DLG5: variants seen among roughly 807,000 people sequenced by gnomAD.
DLG5 encodes discs large MAGUK scaffold protein 5, also known as disks large homolog 5.
A neutral mutation model predicts 189.8 loss-of-function variants in DLG5; 48 were observed. That is an observed-to-expected ratio of 0.25 (90% CI 0.20 to 0.32). DLG5 has a LOEUF of 0.32. Ranked by LOEUF, DLG5 falls within the 10% of genes least tolerant of loss-of-function variation. The pLI is 1.00. For synonymous variants in DLG5, 1,016 were observed against 1,054.1 expected (o/e 0.96, Z 0.70); for missense variants, 2,160 against 2,544.7 (o/e 0.85, Z 3.25).
chr10:77,846,875 C>G (rs1367149725), intron 5 of DLG5, among the ~76,000 whole-genome samples: 2 of 152,110 alleles, frequency 1.3e-5, no homozygotes, highest in Admixed American at 6.5e-5. Flanking sequence ...AGCGGCTTCC[C>G]GCCTTCCCAG....
At chr10:77,842,322 C>A in intron 6 of DLG5, 129 bp from the exon 7 acceptor site, 1 of 1,138,026 alleles carries the variant, frequency 8.8e-7, no homozygotes, top group South Asian at 1.6e-5. Context: ...TGAAGTCACT[C>A]TCTCCACCCC....
chr10:77,841,464 C>T (rs1843411418), intron 7 of DLG5, among the ~76,000 whole-genome samples: 1 of 152,142 alleles, frequency 6.6e-6, no homozygotes, highest in African/African-American at 2.4e-5. Flanking sequence ...GAAAAAGGGC[C>T]CCTGAGGGTG....
chr10:77,821,027 G>C lies in DLG5; in HGVS notation c.3402+55C>G, dbSNP rs3758463. 9.5e-5 allele frequency: 146 copies of C among 1,539,408 alleles called. 1 individual carries two copies. The East Asian group carries it at 3.3e-3, about 35-fold the overall frequency. ...CAGGGCCACTTAGCAGCCCTCCTTC[G>C]GCCAACTGCCCCTCTCTAGGCCTCC... On this transcript the variant is annotated intron_variant, in intron 15 of 31. Coordinates refer to ENST00000372391, the MANE Select transcript of DLG5 (RefSeq NM_004747.4).
At chr10:77,907,502 C>A (rs575803901) in intron 1 of DLG5, among the ~76,000 whole-genome samples, 1 of 152,298 alleles carries the variant, frequency 6.6e-6, no homozygotes, top group African/African-American at 2.4e-5. Context: ...TCAATTGAGC[C>A]TGTGAGGTGG....
intron 1 of DLG5, among the ~76,000 whole-genome samples, chr10:77,916,403 G>T (rs1323193525): frequency 2.0e-5 from 3 of 151,762 alleles, no homozygotes; most frequent in African/African-American, 7.3e-5. Flanking sequence ...CACTTCTCCT[G>T]CCTCAGCCTC....
At chr10:77,879,977 T>A (rs986339068) in intron 1 of DLG5, among the ~76,000 whole-genome samples, 4 of 151,976 alleles carry the variant, frequency 2.6e-5, no homozygotes, top group Admixed American at 1.3e-4. Context: ...CAGCATATGC[T>A]TAGTATTTAA....
chr10:77,833,939 C>T lies in DLG5; in HGVS notation c.1723G>A (p.Val575Ile), dbSNP rs759348864. 5 of 1,606,782 alleles carry T rather than the reference C, an allele frequency of 3.1e-6. No homozygotes were observed. In the South Asian group the frequency reaches 5.5e-5, roughly 18 times the overall value. Residue 575 changes from valine to isoleucine, a missense_variant, in exon 9 of 32, where the codon GTC (valine) becomes ATC (isoleucine). Coordinates refer to ENST00000372391, the MANE Select transcript of DLG5 (RefSeq NM_004747.4). The stretch of plus-strand genomic sequence containing the variant: ...TTGAGCTCCTTCAGCTCGCGGCTGA[C>T]ATCATTCTTCTGCTTGCGGGTGTCA... ...LDDTRKQKND[V>I]SRELKELKEQ... is the part of the protein sequence containing the mutation.
intron 1 of DLG5, among the ~76,000 whole-genome samples, chr10:77,925,500 A>G (rs1846657733): frequency 6.6e-6 from 1 of 152,174 alleles, no homozygotes; most frequent in Non-Finnish European, 1.5e-5. Flanking sequence ...AAGACCAAAG[A>G]CACAGGGGTT....
chr10:77,845,688 G>A (rs1843652829), intron 5 of DLG5, among the ~76,000 whole-genome samples: 1 of 151,044 alleles, frequency 6.6e-6, no homozygotes, highest in South Asian at 2.1e-4. Context: ...GAGGGAGGGA[G>A]GATTGGTTCA....
rs1278476832 is a variant in DLG5 at position 77,853,396 on chromosome 10, C to T, written c.822G>A (p.Glu274=). Residue 274 remains glutamate (E), a synonymous_variant, in exon 5 of 32, where the codon GAG becomes GAA. Coordinates refer to ENST00000372391, the MANE Select transcript of DLG5 (RefSeq NM_004747.4). ...GGAGGTCACCGATCTCCTTCTGGTC[C>T]TCCTCGTGGAGCCGCTTCATGTCCT... ...SWEDMKRLHE[E]DQKEIGDLRA... is the part of the protein sequence containing the mutation. The T allele has an allele frequency of 6.2e-7, 1 of 1,601,960 alleles. No homozygotes were observed. The highest frequency in any genetic ancestry group is 1.7e-5 in the Admixed American group (1 of 58,782).
intron 1 of DLG5, among the ~76,000 whole-genome samples, chr10:77,885,594 C>A (rs1292370302): frequency 6.6e-6 from 1 of 152,232 alleles, no homozygotes; most frequent in Non-Finnish European, 1.5e-5. Context: ...GACCCTCTGG[C>A]CATTTGCAGG....
the DLG5 span, among the ~76,000 whole-genome samples, chr10:77,931,813 ACACT>A: frequency 6.6e-6 from 1 of 152,118 alleles, no homozygotes; most frequent in African/African-American, 2.4e-5. Flanking sequence ...CCCAGCTCTG[ACACT>A]CACTGGCTAT....
chr10:77,904,247 T>C (rs1368886944), intron 1 of DLG5, among the ~76,000 whole-genome samples: 5 of 152,182 alleles, frequency 3.3e-5, no homozygotes, highest in Non-Finnish European at 7.3e-5. Flanking sequence ...TGCCACCATG[T>C]TAGAAGTGCC....
intron 2 of DLG5, among the ~76,000 whole-genome samples, chr10:77,866,362 G>C (rs888304950): frequency 2.6e-5 from 4 of 152,190 alleles, no homozygotes; most frequent in African/African-American, 4.8e-5. Context: ...GCTCAAACCT[G>C]CATCTCTAAT....
intron 27 of DLG5, among the ~76,000 whole-genome samples, chr10:77,798,122 G>C (rs1008902045): frequency 6.6e-6 from 1 of 152,132 alleles, no homozygotes; most frequent in Non-Finnish European, 1.5e-5. Context: ...AGGAGGCGGA[G>C]GTTGCAGTGA....
chr10:77,906,541 C>T (rs1318150554), intron 1 of DLG5, among the ~76,000 whole-genome samples: 1 of 152,094 alleles, frequency 6.6e-6, no homozygotes, highest in African/African-American at 2.4e-5. Flanking sequence ...CCATCAATCC[C>T]ACCTTCTCCC....
chr10:77,829,103 G>A, intron 12 of DLG5, 118 bp from the exon 13 acceptor site: 2 of 1,161,654 alleles, frequency 1.7e-6, no homozygotes, highest in Non-Finnish European at 2.5e-6. Context: ...GCTGCGCCCT[G>A]TCTACGCCTG....
the DLG5 span, among the ~76,000 whole-genome samples, chr10:77,939,739 C>G: frequency 2.0e-5 from 3 of 152,308 alleles, no homozygotes; most frequent in African/African-American, 7.2e-5. Context: ...CAGCTGGGAG[C>G]CATCCAGCTC....
chr10:77,864,508 G>A (rs1179001920), intron 2 of DLG5, among the ~76,000 whole-genome samples: 1 of 152,148 alleles, frequency 6.6e-6, no homozygotes, highest in East Asian at 1.9e-4. Flanking sequence ...GCCCTGCCTG[G>A]GGTGAACGAG....
Sources: gnomAD v4.1 joint callset for allele counts (sites outside exome capture counted in the v4.1 genomes callset) on GRCh38, gnomAD v4.1.1 for gene constraint, MANE v1.5 for transcripts, NCBI Gene and HGNC (gene_info 2026-07-23, HGNC 2026-07-21) for gene names.